RDX: variants seen among roughly 807,000 people sequenced by gnomAD.
RDX encodes the protein radixin, also known as deafness, autosomal recessive 24.
RDX carries 32 observed loss-of-function variants against 83.7 expected under a neutral mutation model. The observed-to-expected ratio is 0.38, with a 90% CI of 0.29 to 0.51. RDX has a LOEUF of 0.51. RDX is among the 20% of genes least tolerant of loss of function. The probability of loss-of-function intolerance (pLI) is 0.87; values close to 1 mark genes in which losing one functional copy is unlikely to be tolerated. For synonymous variants in RDX, 229 were observed against 222.7 expected (o/e 1.03, Z -0.25); for missense variants, 600 against 689.9 (o/e 0.87, Z 1.46).
Position 110,279,764 on chromosome 11 carries a change from A to G in RDX, c.-64-8T>C. 1.1e-6 allele frequency: 1 copy of G among 874,680 alleles called. No individual in the cohort carries two copies. 54.2% of individuals were successfully genotyped at this position (874,680 alleles called of 1,614,324 possible). A position where few individuals can be genotyped will look rare whatever the true frequency, so the allele number is the denominator to read the frequency against. The stretch of plus-strand genomic sequence containing the variant: ...GAATTCTGTTATCACTTTCTGTTAA[A>G]AAAAAAAAAGCATAATCTATTATCT... On this transcript the variant is annotated splice_region_variant and splice_polypyrimidine_tract_variant and intron_variant, in intron 1 of 13. Coordinates refer to ENST00000645495, the MANE Select transcript of RDX (RefSeq NM_002906.4).
chr11:110,275,835 T>C (rs1453549557), intron 2 of RDX, among the ~76,000 whole-genome samples: 1 of 148,758 alleles, frequency 6.7e-6, no homozygotes, highest in Non-Finnish European at 1.5e-5. Flanking sequence ...CCCAGGCTAG[T>C]GTGCAGTGAC....
downstream of RDX, among the ~76,000 whole-genome samples, chr11:110,228,679 T>C (rs1864510447): frequency 6.6e-6 from 1 of 151,900 alleles, no homozygotes; most frequent in Admixed American, 6.6e-5. Flanking sequence ...CGGTGATCAA[T>C]ACTGGGACAG....
At chr11:110,243,539 A>G (rs1865183393) in intron 10 of RDX, among the ~76,000 whole-genome samples, 1 of 152,126 alleles carries the variant, frequency 6.6e-6, no homozygotes, top group Non-Finnish European at 1.5e-5. Context: ...CAACAAGTAT[A>G]TAACCCTGTC....
intron 11 of RDX, among the ~76,000 whole-genome samples, 160 bp downstream of exon 11, chr11:110,237,332 A>G (rs1439452663): frequency 6.6e-6 from 1 of 152,064 alleles, no homozygotes. Flanking sequence ...GGCAGAAATA[A>G]ATTTTCTAGG....
intron 15 of RDX, among the ~76,000 whole-genome samples, chr11:110,190,288 A>C (rs1863078212): frequency 6.6e-6 from 1 of 151,612 alleles, no homozygotes; most frequent in South Asian, 2.1e-4. Context: ...AAAAATACAA[A>C]AATTAGACGG....
chr11:110,272,024 A>G (rs1860329102), intron 3 of RDX, among the ~76,000 whole-genome samples: 1 of 152,214 alleles, frequency 6.6e-6, no homozygotes, highest in Non-Finnish European at 1.5e-5. Context: ...CTATGTGTAT[A>G]AGTTGTACAC....
chr11:110,267,396 C>T (rs1198028445), intron 3 of RDX, among the ~76,000 whole-genome samples: 1 of 151,900 alleles, frequency 6.6e-6, no homozygotes, highest in Non-Finnish European at 1.5e-5. Flanking sequence ...ACCCATAATC[C>T]CAGTTACTCA....
chr11:110,266,797 AG>A (rs1489265210), intron 3 of RDX, among the ~76,000 whole-genome samples: 1 of 152,112 alleles, frequency 6.6e-6, no homozygotes, highest in East Asian at 1.9e-4. Flanking sequence ...TATGTCGCCA[AG>A]GCTAATCTTA....
chr11:110,224,836 T>C (rs139497834), downstream of RDX, among the ~76,000 whole-genome samples: 2 of 152,364 alleles, frequency 1.3e-5, no homozygotes, highest in Non-Finnish European at 2.9e-5. Flanking sequence ...CTAACTACAG[T>C]AGACATAGCT....
At chr11:110,215,036 C>G (rs914278826) in intron 14 of RDX, among the ~76,000 whole-genome samples, 1 of 125,782 alleles carries the variant, frequency 8.0e-6, no homozygotes, top group Admixed American at 8.3e-5. Context: ...GGAGACCTAA[C>G]AAAAAAAAAA....
At chr11:110,214,368 T>C (rs1171796489) in intron 14 of RDX, among the ~76,000 whole-genome samples, 5 of 114,732 alleles carry the variant, frequency 4.4e-5, no homozygotes, top group Admixed American at 9.6e-5. Context: ...TGTGGAGAAA[T>C]AGGAACACTT....
intron 5 of RDX, among the ~76,000 whole-genome samples, chr11:110,260,856 T>C (rs1859775022): frequency 6.6e-6 from 1 of 152,198 alleles, no homozygotes; most frequent in Non-Finnish European, 1.5e-5. Context: ...AATAATACAC[T>C]AATACACTAC....
chr11:110,281,472 G>A (rs998818636), intron 1 of RDX, among the ~76,000 whole-genome samples: 41 of 152,090 alleles, frequency 2.7e-4, no homozygotes, highest in African/African-American at 9.2e-4. Flanking sequence ...AATTACAAGC[G>A]TCCACCACCA....
chr11:110,242,580 C>A (rs1295478328), intron 10 of RDX, among the ~76,000 whole-genome samples: 1 of 151,728 alleles, frequency 6.6e-6, no homozygotes, highest in African/African-American at 2.4e-5. Context: ...TGAAACATTC[C>A]CCAATATTCA....
intron 15 of RDX, among the ~76,000 whole-genome samples, chr11:110,181,614 G>A (rs1299516457): frequency 6.6e-6 from 1 of 152,260 alleles, no homozygotes; most frequent in African/African-American, 2.4e-5. Flanking sequence ...AAGAATGGGG[G>A]CATGGCCCCT....
intron 14 of RDX, among the ~76,000 whole-genome samples, chr11:110,203,784 C>T (rs563523044): frequency 1.2e-4 from 18 of 151,838 alleles, no homozygotes; most frequent in Admixed American, 5.2e-4. Flanking sequence ...TCAGAAATTG[C>T]GTTTAATAAA....
rs536847895 is a variant in RDX at position 110,262,917 on chromosome 11, G to A, written c.467+1043C>T. Among the ~76,000 whole-genome samples, 4 of 152,290 alleles carry A rather than the reference G, an allele frequency of 2.6e-5. No homozygotes were observed. The South Asian group carries it at 6.2e-4, about 24-fold the overall frequency. ...GCCATTATAGAAGCAGCAGTACACTGTAGATAAGAACAATGCACCAGCCTA... is the reference window on the plus strand; with the variant it reads ...GCCATTATAGAAGCAGCAGTACACTATAGATAAGAACAATGCACCAGCCTA... On this transcript the variant is annotated intron_variant, in intron 5 of 13. Transcript: ENST00000645495.
intron 14 of RDX, among the ~76,000 whole-genome samples, chr11:110,202,474 A>G (rs971758523): frequency 6.6e-6 from 1 of 152,044 alleles, no homozygotes; most frequent in Non-Finnish European, 1.5e-5. Flanking sequence ...ACTGGAGTGC[A>G]GTGACATGAT....
At chr11:110,189,326 G>C (rs1360278821) in intron 15 of RDX, among the ~76,000 whole-genome samples, 2 of 141,510 alleles carry the variant, frequency 1.4e-5, no homozygotes, top group Non-Finnish European at 3.0e-5. Flanking sequence ...TAATTATCCT[G>C]AACATATATA....
Sources: allele counts gnomAD v4.1 joint callset (sites outside exome capture counted in the v4.1 genomes callset), GRCh38; gene constraint gnomAD v4.1.1; transcripts MANE v1.5; gene names NCBI Gene and HGNC (gene_info 2026-07-23, HGNC 2026-07-21).